Variants in SPTB observed in about 807,000 individuals in gnomAD.
The protein encoded by SPTB is spectrin beta, erythrocytic.
A neutral mutation model predicts 256.2 loss-of-function variants in SPTB; 45 were observed. The ratio of observed to expected loss-of-function variants is 0.18; its 90% CI spans 0.14 to 0.23. The LOEUF (loss-of-function observed/expected upper bound fraction) is 0.23. SPTB is among the 10% of genes least tolerant of loss of function. The pLI is 1.00. For synonymous variants in SPTB, 1,231 were observed against 1,243.1 expected, an observed-to-expected ratio of 0.99 and a Z score of 0.21; for missense variants, 2,715 against 3,040.4, an observed-to-expected ratio of 0.89 and a Z score of 2.52.
rs767947672 is a variant in SPTB, at chr14:64,806,903, C to T, written c.149-1813G>A. ...ATCCTAAATACATGTAAAATTTAAACGGCATTCATTTATTCTGGGCCTCTG... is the reference window on the plus strand; with the variant it reads ...ATCCTAAATACATGTAAAATTTAAATGGCATTCATTTATTCTGGGCCTCTG... On this transcript the variant is annotated intron_variant, in intron 2 of 35. Coordinates refer to ENST00000644917, the MANE Select transcript of SPTB (RefSeq NM_001355436.2). This position sits in a 1 kb window ranked among gnomAD's most constrained non-coding sequence, Gnocchi z 4.1. Among the ~76,000 whole-genome samples the T allele has an allele frequency of 2.6e-5, 4 of 152,176 alleles. No individual in the cohort carries two copies. Among genetic ancestry groups the T allele is most frequent in the Admixed American group, 6.5e-5 (1 of 15,282 alleles).
Position 64,796,789 on chromosome 14 carries a change from C to T in SPTB, c.1183-74G>A. On this transcript the variant is annotated intron_variant, in intron 10 of 35. Transcript: ENST00000644917. The surrounding 1 kb of genome is among the most constrained non-coding windows in gnomAD (Gnocchi z 4.1). ...CACTTTGGGGGCTCCACCCCTTTCA[C>T]CCAACACTGAGTGATTTCTGGAATC... The T allele has an allele frequency of 6.3e-7, 1 of 1,582,132 alleles. No individual in the cohort carries two copies. Among genetic ancestry groups the T allele is most frequent in the Non-Finnish European group, 8.7e-7 (1 of 1,155,960 alleles).
rs749123042 is a variant in SPTB at position 64,766,758 on chromosome 14, A to C, written c.6313T>G (p.Ser2105Ala). The part of the protein sequence containing the change: ...EGETAGEAPV[S>A]HHAATERTSP... The stretch of plus-strand genomic sequence containing the variant: ...GTTCTCTCGGTGGCCGCATGGTGGG[A>C]AACTGGAGCCTCCCCTGCTGTCTCG... The change falls in exon 32 of 36, where the codon TCC becomes GCC. Residue 2105 changes from serine to alanine, a missense_variant. Around this residue, in one of 4 missense-constraint regions of SPTB, gnomAD observed 2,239 missense variants for 2,384.4 expected, o/e 0.94. Transcript: ENST00000644917. 9.5e-6 allele frequency: 15 copies of C among 1,586,990 alleles called. No homozygotes were observed. In the Admixed American group the frequency reaches 2.6e-4, roughly 27 times the overall value.
At chr14:64,833,886 A>T (rs2083483766) in intron 1 of SPTB, among the ~76,000 whole-genome samples, 1 of 152,204 alleles carries the variant, frequency 6.6e-6, no homozygotes, top group Non-Finnish European at 1.5e-5. Flanking sequence ...CACCGAGGAC[A>T]CACCATGTGG....
chr14:64,784,479 GAGA>G (rs1253866870), intron 18 of SPTB, 86 bp from the exon 19 acceptor site: 6 of 1,556,308 alleles, frequency 3.9e-6, no homozygotes, highest in Non-Finnish European at 5.3e-6. Context: ...GCTGCAGAAG[GAGA>G]AGGCCATGGG....
Position 64,826,434 on chromosome 14 carries a change from A to G in SPTB, c.-51-3289T>C, listed in dbSNP as rs900377577. Among the ~76,000 whole-genome samples the G allele has an allele frequency of 2.6e-5, 4 of 152,194 alleles. No homozygotes were observed. The highest frequency in any genetic ancestry group is 9.7e-5 in the African/African-American group (4 of 41,432). On this transcript the variant is annotated intron_variant, in intron 1 of 35. Coordinates refer to ENST00000644917, the MANE Select transcript of SPTB (RefSeq NM_001355436.2). The surrounding 1 kb of genome is among the most constrained non-coding windows in gnomAD (Gnocchi z 4.4). ...CCTAATTGAATGGGGAGTCATGGAA[A>G]TGACATTTAAGTTGCTACCTGGGAG...
chr14:64,809,825 G>A (rs2083054314), intron 2 of SPTB, among the ~76,000 whole-genome samples: 1 of 152,086 alleles, frequency 6.6e-6, no homozygotes, highest in African/African-American at 2.4e-5. Context: ...TGCATACGAA[G>A]AAAACCTTAA....
Position 64,823,407 on chromosome 14 carries a change from G to A in SPTB, c.-51-262C>T, listed in dbSNP as rs1045590357. On this transcript the variant is annotated intron_variant, in intron 1 of 35. Coordinates refer to ENST00000644917, the MANE Select transcript of SPTB (RefSeq NM_001355436.2). This position sits in a 1 kb window ranked among gnomAD's most constrained non-coding sequence, Gnocchi z 6.5. Reference sequence around the variant, plus strand: ...AGGGTCAGGACGGCCAGCAGGTGGAGACGTCAGTCGCAGCCAGCTGCTTCC... The same window carrying A: ...AGGGTCAGGACGGCCAGCAGGTGGAAACGTCAGTCGCAGCCAGCTGCTTCC... 1.3e-5 allele frequency among the ~76,000 whole-genome samples: 2 copies of A among 152,180 alleles called. 1 individual carries two copies. Among genetic ancestry groups the A allele is most frequent in the Non-Finnish European group, 2.9e-5 (2 of 68,036 alleles).
In SPTB at chr14:64,773,350, T is replaced by C. The variant is rs781558180; in HGVS notation, c.5048A>G (p.Lys1683Arg). 2.5e-6 allele frequency: 4 copies of C among 1,614,154 alleles called. No homozygotes were observed. The South Asian group carries it at 3.3e-5, about 13-fold the overall frequency. Residue 1683 changes from lysine (K) to arginine (R), a missense_variant, in exon 25 of 36, where the codon AAG becomes AGG. Around this residue, in one of 4 missense-constraint regions of SPTB, gnomAD observed 2,239 missense variants for 2,384.4 expected, o/e 0.94. Coordinates refer to ENST00000644917, the MANE Select transcript of SPTB (RefSeq NM_001355436.2). ...AGLKDVAEER[K>R]RKLENMYHLF... ...GTGGTACATGTTCTCCAGCTTGCGC[T>C]TGCGCTCTTCCGCCACGTCCTTCAG...
rs1566783394 is a variant in SPTB at position 64,816,658 on chromosome 14, A to G, written c.148+6289T>C. On this transcript the variant is annotated intron_variant, in intron 2 of 35. Coordinates refer to ENST00000644917, the MANE Select transcript of SPTB (RefSeq NM_001355436.2). The surrounding 1 kb of genome is among the most constrained non-coding windows in gnomAD (Gnocchi z 4.2). ...ATTCTCTGGTTGATCTACTTTCCCA[A>G]GTCTGAAGGCCAAAGGGTTTGGAGG... 6.6e-6 allele frequency among the ~76,000 whole-genome samples: 1 copy of G among 152,178 alleles called. No homozygotes were observed. Among genetic ancestry groups the G allele is most frequent in the Non-Finnish European group, 1.5e-5 (1 of 68,038 alleles).
chr14:64,794,400 G>GGCCAA, intron 13 of SPTB, 67 bp downstream of exon 13: 2 of 1,592,238 alleles, frequency 1.3e-6, no homozygotes, highest in Non-Finnish European at 1.7e-6. Context: ...ATCCAAGTTG[G>GGCCAA]GTTGTTAGGC....
chr14:64,876,986 T>A (rs1882854839), intron 1 of SPTB, among the ~76,000 whole-genome samples: 1 of 152,118 alleles, frequency 6.6e-6, no homozygotes, highest in African/African-American at 2.4e-5. Context: ...AGCCAGTAAG[T>A]ATGCACATGG....
intron 31 of SPTB, among the ~76,000 whole-genome samples, chr14:64,767,075 C>T (rs1203619405): frequency 1.3e-5 from 2 of 152,200 alleles, no homozygotes; most frequent in African/African-American, 4.8e-5. Flanking sequence ...CGCCTGGCAG[C>T]CACTGCTCCC....
intron 1 of SPTB, among the ~76,000 whole-genome samples, chr14:64,879,184 T>G (rs1566816647): frequency 6.6e-6 from 1 of 152,040 alleles, no homozygotes; most frequent in Non-Finnish European, 1.5e-5. Context: ...AAGTATGGCT[T>G]GGGGCACTAG....
At chr14:64,867,321 T>G (rs577699296) in intron 1 of SPTB, among the ~76,000 whole-genome samples, 3 of 151,538 alleles carry the variant, frequency 2.0e-5, no homozygotes, top group Non-Finnish European at 4.4e-5. Flanking sequence ...GCACTGCACA[T>G]AAGCCAGGCC....
Position 64,763,874 on chromosome 14 carries a change from T to C in SPTB, c.6345+2852A>G, listed in dbSNP as rs746036117. On this transcript the variant is annotated intron_variant, in intron 32 of 35. Coordinates refer to ENST00000644917, the MANE Select transcript of SPTB (RefSeq NM_001355436.2). ...TTGAGAAAGAGGCTGATGTGTGGGATGGCAGCTTCAGTCACCACGTGCACA... is the reference window on the plus strand; with the variant it reads ...TTGAGAAAGAGGCTGATGTGTGGGACGGCAGCTTCAGTCACCACGTGCACA... The C allele has an allele frequency of 3.7e-5, 19 of 518,956 alleles. 1 individual carries two copies. Among genetic ancestry groups the C allele is most frequent in the Non-Finnish European group, 6.2e-5 (16 of 259,830 alleles). 32.1% of individuals were successfully genotyped at this position (518,956 alleles called of 1,614,324 possible). A position where few individuals can be genotyped will look rare whatever the true frequency, so the allele number is the denominator to read the frequency against.
chr14:64,816,398 G>A lies in SPTB; in HGVS notation c.148+6549C>T, dbSNP rs2083191109. Among the ~76,000 whole-genome samples the A allele has an allele frequency of 6.6e-6, 1 of 152,112 alleles. No homozygotes were observed. The highest frequency in any genetic ancestry group is 2.4e-5 in the African/African-American group (1 of 41,424). On this transcript the variant is annotated intron_variant, in intron 2 of 35. Transcript: ENST00000644917. The surrounding 1 kb of genome is among the most constrained non-coding windows in gnomAD (Gnocchi z 4.2). The stretch of plus-strand genomic sequence containing the variant: ...TGCCCAGGACCTTGGCAACACCGGT[G>A]GCCTATCAGGCCTGTGAAGTGGCCC...
Position 64,753,822 on chromosome 14 carries a change from T to C in SPTB, c.6346-29A>G, listed in dbSNP as rs1227617938. On this transcript the variant is annotated intron_variant, in intron 32 of 35. Transcript: ENST00000644917. ...CTCAGGGCATAGGGAGGAGCACACC[T>C]TTCTGGGTACTCTGGCTTAGAGATG... 20 of 1,609,596 alleles carry C rather than the reference T, an allele frequency of 1.2e-5. No individual in the cohort carries two copies. The East Asian group carries it at 4.5e-4, about 36-fold the overall frequency.
At chr14:64,766,522 T>C in intron 32 of SPTB, 5 of 1,479,626 alleles carry the variant, frequency 3.4e-6, no homozygotes, top group Non-Finnish European at 4.5e-6. Context: ...TGGGGAGGAG[T>C]GGAGGAGGCT....
At chr14:64,808,724 A>G (rs907393843) in intron 2 of SPTB, among the ~76,000 whole-genome samples, 9 of 152,152 alleles carry the variant, frequency 5.9e-5, no homozygotes, top group African/African-American at 2.2e-4. Flanking sequence ...CCACCAATTA[A>G]CTTTTGCAAG....
Sources: gnomAD v4.1 joint callset for allele counts (sites outside exome capture counted in the v4.1 genomes callset) on GRCh38, gnomAD v4.1.1 for gene constraint, gnomAD v4.1.1 regional missense constraint, Gnocchi (gnomAD v3.1) non-coding constraint, MANE v1.5 for transcripts, NCBI Gene and HGNC (gene_info 2026-07-23, HGNC 2026-07-21) for gene names.